Variants in SLC22A8 observed in about 807,000 individuals in gnomAD.
SLC22A8 encodes the protein solute carrier family 22 member 8.
Under a neutral mutation model 48.4 loss-of-function variants are expected in SLC22A8, and 40 were observed. The ratio of observed to expected loss-of-function variants is 0.83; its 90% CI spans 0.64 to 1.08. The LOEUF (loss-of-function observed/expected upper bound fraction) is 1.08, where lower values mean the gene tolerates loss of function less well. SLC22A8 is among the 50% of genes least tolerant of loss of function. SLC22A8 has a pLI of 0.00. For synonymous variants in SLC22A8, 268 were observed against 286.3 expected (o/e 0.94, Z 0.65); for missense variants, 606 against 699.0 (o/e 0.87, Z 1.50).
At chr11:62,994,456 C>T (rs1350141594) in intron 8 of SLC22A8, 86 bp downstream of exon 8, 7 of 1,003,342 alleles carry the variant, frequency 7.0e-6, no homozygotes, top group Non-Finnish European at 1.1e-5. Flanking sequence ...AACACAGTGA[C>T]TTAGAGGCAG....
chr11:62,998,113 G>A (rs1590690993), intron 5 of SLC22A8, among the ~76,000 whole-genome samples: 2 of 152,072 alleles, frequency 1.3e-5, no homozygotes, highest in Non-Finnish European at 2.9e-5. Context: ...CACCATGCAC[G>A]GCTAATTTTT....
Position 62,993,458 on chromosome 11 carries a change from G to A in SLC22A8, c.1495C>T (p.Pro499Ser), listed in dbSNP as rs2086368365. ...AGGTCTTCGATAGTCTCTGGCAAGGGCTGATTCAGGGTCTCAGGCAGGAAG... is the reference window on the plus strand; with the variant it reads ...AGGTCTTCGATAGTCTCTGGCAAGGACTGATTCAGGGTCTCAGGCAGGAAG... ...ALFLPETLNQPLPETIEDLEN... is the reference protein window; with the variant it reads ...ALFLPETLNQSLPETIEDLEN... Residue 499 changes from proline to serine, a missense_variant, in exon 10 of 11, where the codon CCC (proline) becomes TCC (serine). Physicochemically the swap from Pro to Ser is moderately conservative, Grantham distance 74. Transcript: ENST00000336232. 3 of 1,614,188 alleles carry A rather than the reference G, an allele frequency of 1.9e-6. No homozygotes were observed. The highest frequency in any genetic ancestry group is 2.7e-5 in the African/African-American group (2 of 75,046).
intron 5 of SLC22A8, among the ~76,000 whole-genome samples, chr11:62,998,381 G>A (rs2086448603): frequency 6.6e-6 from 1 of 152,056 alleles, no homozygotes; most frequent in Admixed American, 6.5e-5. Flanking sequence ...AGGTTCCCAG[G>A]CTCAGGCTTC....
intron 2 of SLC22A8, among the ~76,000 whole-genome samples, chr11:63,014,180 G>T (rs1307093437): frequency 2.6e-5 from 4 of 152,144 alleles, no homozygotes; most frequent in Admixed American, 1.3e-4. Context: ...GGGCATTTCT[G>T]TAGGGAGGAT....
Position 62,999,752 on chromosome 11 carries a change from G to C in SLC22A8, c.528C>G (p.Tyr176Ter). ...AGCCACACAGGAAGCGGAAGACCATGTAGATGGGGAAGGTGGGGCTGAAGG... is the reference window on the plus strand; with the variant it reads ...AGCCACACAGGAAGCGGAAGACCATCTAGATGGGGAAGGTGGGGCTGAAGG... ...GAAFSPTFPI[Y>*]MVFRFLCGFG... The change falls in exon 4 of 11, where the codon TAC becomes TAG. Residue 176 changes from tyrosine to a stop codon, truncating the protein, a stop_gained. Transcript: ENST00000336232. LOFTEE classifies it high-confidence loss of function. The C allele has an allele frequency of 1.2e-6, 2 of 1,607,900 alleles. No homozygotes were observed. The highest frequency in any genetic ancestry group is 1.7e-6 in the Non-Finnish European group (2 of 1,177,120).
intron 2 of SLC22A8, among the ~76,000 whole-genome samples, chr11:63,006,595 G>GTTTCTTTTTTT (rs2086557360): frequency 3.9e-5 from 2 of 51,402 alleles, no homozygotes; most frequent in African/African-American, 8.0e-5. Context: ...TCTCATTTGA[G>GTTTCTTTTTTT]TTTTTTTTTT....
At chr11:63,015,071 G>T in intron 1 of SLC22A8, 88 bp from the exon 2 acceptor site, 1 of 813,320 alleles carries the variant, frequency 1.2e-6, no homozygotes. Context: ...GGTGAACCAG[G>T]TGGATATGCG....
intron 5 of SLC22A8, among the ~76,000 whole-genome samples, chr11:62,998,706 G>C (rs2086452991): frequency 1.3e-5 from 2 of 152,156 alleles, no homozygotes; most frequent in Admixed American, 1.3e-4. Context: ...CTCTTCTTCA[G>C]CTGCAGGCAG....
At chr11:62,997,767 TCA>T (rs1476711936) in intron 5 of SLC22A8, among the ~76,000 whole-genome samples, 1 of 152,204 alleles carries the variant, frequency 6.6e-6, no homozygotes, top group Admixed American at 6.5e-5. Flanking sequence ...TCTCTGAGCC[TCA>T]GTTTCCTCAT....
intron 2 of SLC22A8, among the ~76,000 whole-genome samples, chr11:63,010,877 G>C (rs2086611610): frequency 6.6e-6 from 1 of 152,170 alleles, no homozygotes; most frequent in Non-Finnish European, 1.5e-5. Context: ...GAGGCTTCTC[G>C]AGGGGTTTTC....
At chr11:63,002,544 C>G (rs184726892) in intron 2 of SLC22A8, among the ~76,000 whole-genome samples, 2 of 152,096 alleles carry the variant, frequency 1.3e-5, no homozygotes, top group Non-Finnish European at 2.9e-5. Flanking sequence ...GCCCCTTCCC[C>G]CCGAGCTTTT....
intron 5 of SLC22A8, among the ~76,000 whole-genome samples, chr11:62,996,928 G>A (rs1204541817): frequency 1.3e-5 from 2 of 152,250 alleles, no homozygotes; most frequent in African/African-American, 4.8e-5. Flanking sequence ...CCTGGATCCG[G>A]TGAGGCCCTC....
At chr11:63,010,688 C>A (rs1407315984) in intron 2 of SLC22A8, among the ~76,000 whole-genome samples, 1 of 152,178 alleles carries the variant, frequency 6.6e-6, no homozygotes, top group African/African-American at 2.4e-5. Flanking sequence ...AATGCCTGGG[C>A]CAGACCTGAC....
chr11:63,006,065 G>T (rs935526362), intron 2 of SLC22A8, among the ~76,000 whole-genome samples: 4 of 152,156 alleles, frequency 2.6e-5, no homozygotes, highest in African/African-American at 9.7e-5. Context: ...AGAGAGGAAG[G>T]TATTTAGAGA....
At position 62,999,934 on chromosome 11, in the gene SLC22A8, C is replaced by T. The variant is rs906534430; in HGVS notation, c.438-92G>A. Reference sequence around the variant, plus strand: ...ATGCTGTGGGGCAAAGGGCTGAATCCGACCCCCAACCTTTCCCTGTTGGGC... The same window carrying T: ...ATGCTGTGGGGCAAAGGGCTGAATCTGACCCCCAACCTTTCCCTGTTGGGC... On this transcript the variant is annotated intron_variant, in intron 3 of 10. Coordinates refer to ENST00000336232, the MANE Select transcript of SLC22A8 (RefSeq NM_004254.4). 2.6e-5 allele frequency: 29 copies of T among 1,110,626 alleles called. No individual in the cohort carries two copies. In the South Asian group the frequency reaches 2.8e-4, roughly 11 times the overall value. 68.8% of individuals were successfully genotyped at this position (1,110,626 alleles called of 1,614,324 possible).
intron 2 of SLC22A8, among the ~76,000 whole-genome samples, chr11:63,003,078 CT>C (rs2086516809): frequency 6.6e-6 from 1 of 152,190 alleles, no homozygotes; most frequent in Non-Finnish European, 1.5e-5. Context: ...TCTCCTTGCC[CT>C]TTCGGTAAAG....
intron 2 of SLC22A8, among the ~76,000 whole-genome samples, chr11:63,002,806 G>T (rs2086512474): frequency 6.6e-6 from 1 of 152,142 alleles, no homozygotes; most frequent in Admixed American, 6.5e-5. Flanking sequence ...TTTATTGAGG[G>T]TGTTCTAGGT....
Position 62,994,569 on chromosome 11 carries a change from T to C in SLC22A8, c.1189A>G (p.Ile397Val). Residue 397 changes from isoleucine to valine, a missense_variant, in exon 8 of 11, where the codon ATC becomes GTC. Coordinates refer to ENST00000336232, the MANE Select transcript of SLC22A8 (RefSeq NM_004254.4). ...AAALLLAGGA[I>V]LALTFVPLDL... ...AAGGGCACAAAGGTGAGAGCCAAGA[T>C]GGCCCCTCCTGCCAGGAGCAGGGCA... 6.2e-7 allele frequency: 1 copy of C among 1,612,112 alleles called. No homozygotes were observed. The highest frequency in any genetic ancestry group is 8.5e-7 in the Non-Finnish European group (1 of 1,179,100).
At chr11:62,995,881 G>A in intron 6 of SLC22A8, 62 bp from the exon 7 acceptor site, 1 of 1,497,868 alleles carries the variant, frequency 6.7e-7, no homozygotes, top group South Asian at 1.1e-5. Context: ...GACGAAGAGA[G>A]GGAGATGCAG....
Sources: gnomAD v4.1 joint callset for allele counts (sites outside exome capture counted in the v4.1 genomes callset) on GRCh38, gnomAD v4.1.1 for gene constraint, MANE v1.5 for transcripts, NCBI Gene and HGNC (gene_info 2026-07-23, HGNC 2026-07-21) for gene names.